Variants in DPP10 observed in about 807,000 individuals in gnomAD.
DPP10 encodes inactive dipeptidyl peptidase 10.
In DPP10, 33 loss-of-function variants were observed where a neutral mutation model predicts 120.9. The ratio of observed to expected loss-of-function variants is 0.27; its 90% CI spans 0.21 to 0.37. The LOEUF is 0.37. DPP10 is among the 10% of genes least tolerant of loss of function. DPP10 has a pLI of 1.00. For synonymous variants in DPP10, 337 were observed against 326.1 expected (o/e 1.03, Z -0.36); for missense variants, 816 against 942.8 (o/e 0.87, Z 1.76).
intron 1 of DPP10, among the ~76,000 whole-genome samples, chr2:114,968,390 T>C (rs761653640): frequency 2.0e-5 from 3 of 152,210 alleles, no homozygotes; most frequent in Non-Finnish European, 4.4e-5. Flanking sequence ...GGCATATCAT[T>C]ATATTATTAA....
chr2:114,661,853 T>C (rs1231320165), intron 1 of DPP10, among the ~76,000 whole-genome samples: 3 of 152,122 alleles, frequency 2.0e-5, no homozygotes, highest in African/African-American at 7.2e-5. Context: ...CATGAAAACG[T>C]CTTCTCCTTA....
At chr2:114,490,156 C>T (rs1301727580) in intron 1 of DPP10, among the ~76,000 whole-genome samples, 1 of 152,182 alleles carries the variant, frequency 6.6e-6, no homozygotes, top group African/African-American at 2.4e-5. Flanking sequence ...TTCTCATTCT[C>T]TGGCTATGTC....
intron 1 of DPP10, among the ~76,000 whole-genome samples, chr2:114,458,776 C>A (rs1207315495): frequency 6.6e-6 from 1 of 152,122 alleles, no homozygotes; most frequent in Non-Finnish European, 1.5e-5. Flanking sequence ...ATTATTATTA[C>A]TACTTTTTTT....
chr2:115,563,875 A>C (rs1208746483), intron 5 of DPP10, among the ~76,000 whole-genome samples: 5 of 152,194 alleles, frequency 3.3e-5, no homozygotes, highest in Non-Finnish European at 7.4e-5. Flanking sequence ...TCAGCTAAGA[A>C]ATTATAGAAT....
intron 1 of DPP10, among the ~76,000 whole-genome samples, chr2:114,993,266 T>A (rs2104940497): frequency 6.6e-6 from 1 of 152,272 alleles, no homozygotes; most frequent in Admixed American, 6.5e-5. Context: ...TTGCGTCTGT[T>A]ATCTTTAATC....
intron 1 of DPP10, among the ~76,000 whole-genome samples, chr2:115,239,556 T>C: frequency 6.6e-6 from 1 of 152,198 alleles, no homozygotes; most frequent in Non-Finnish European, 1.5e-5. Context: ...CCACTTTTTT[T>C]AGATGTAATG....
At chr2:114,791,359 G>C (rs983815060) in intron 1 of DPP10, among the ~76,000 whole-genome samples, 1 of 152,104 alleles carries the variant, frequency 6.6e-6, no homozygotes. Context: ...TAACTTATTT[G>C]CATATTAATA....
chr2:115,005,561 G>T (rs1348323138), intron 1 of DPP10, among the ~76,000 whole-genome samples: 4 of 152,058 alleles, frequency 2.6e-5, no homozygotes, highest in East Asian at 1.9e-4. Flanking sequence ...CGAGAACTAC[G>T]TGAAGAATGC....
chr2:114,891,276 T>C (rs1324125201), intron 1 of DPP10, among the ~76,000 whole-genome samples: 1 of 152,028 alleles, frequency 6.6e-6, no homozygotes, highest in East Asian at 1.9e-4. Context: ...AAGTAGAAAT[T>C]CAAGGGAAAA....
intron 5 of DPP10, among the ~76,000 whole-genome samples, chr2:115,564,745 AGT>A (rs2080895085): frequency 6.6e-6 from 1 of 152,224 alleles, no homozygotes; most frequent in Non-Finnish European, 1.5e-5. Flanking sequence ...AATTTGAAGC[AGT>A]GTTTTCCACA....
intron 3 of DPP10, among the ~76,000 whole-genome samples, chr2:115,353,068 G>T (rs995389166): frequency 1.3e-5 from 2 of 151,984 alleles, no homozygotes; most frequent in Non-Finnish European, 2.9e-5. Context: ...AAAATAATAG[G>T]CCTAAAACAA....
chr2:115,433,591 T>A (rs2071210590), intron 3 of DPP10, among the ~76,000 whole-genome samples: 1 of 151,994 alleles, frequency 6.6e-6, no homozygotes, highest in Admixed American at 6.6e-5. Flanking sequence ...CTAGTTAGAA[T>A]TCACATTCAC....
rs189594990 is a variant in DPP10, at chr2:114,969,523, A to G, written c.61-339716A>G. Among the ~76,000 whole-genome samples, 5 of 152,332 alleles carry G rather than the reference A, an allele frequency of 3.3e-5. No individual in the cohort carries two copies. In the East Asian group the frequency reaches 9.6e-4, roughly 29 times the overall value. ...AAAGGAATGAGTCAAGAATTCTTTT[A>G]CAAAATTATAAACCCCTTGGATTGA... On this transcript the variant is annotated intron_variant, in intron 1 of 25. Transcript: ENST00000410059.
intron 8 of DPP10, 121 bp downstream of exon 8, chr2:115,728,057 C>A: frequency 8.6e-7 from 1 of 1,165,556 alleles, no homozygotes; most frequent in Non-Finnish European, 1.2e-6. Flanking sequence ...CATTTTCTCT[C>A]AAAATTGCCC....
intron 1 of DPP10, chr2:115,050,149 A>G (rs138743371): frequency 3.3e-5 from 5 of 152,308 alleles, no homozygotes; most frequent in African/African-American, 1.2e-4. Flanking sequence ...CTTTTCTAGA[A>G]TTCTGAAAAC....
intron 1 of DPP10, among the ~76,000 whole-genome samples, chr2:114,742,769 A>G (rs1334908256): frequency 6.6e-6 from 1 of 152,198 alleles, no homozygotes. Flanking sequence ...CATGTACATA[A>G]TCATTTTTGA....
chr2:115,195,018 C>T (rs2055162302), intron 1 of DPP10, among the ~76,000 whole-genome samples: 1 of 152,130 alleles, frequency 6.6e-6, no homozygotes, highest in South Asian at 2.1e-4. Flanking sequence ...GGGACAGTGT[C>T]TTTTGCAGAT....
chr2:115,722,479 G>A (rs1446830605), intron 7 of DPP10, among the ~76,000 whole-genome samples: 1 of 151,766 alleles, frequency 6.6e-6, no homozygotes, highest in African/African-American at 2.4e-5. Context: ...TTGTCGTTGT[G>A]CAAACATCAT....
chr2:115,393,490 A>G (rs2067462775), intron 3 of DPP10, among the ~76,000 whole-genome samples: 1 of 152,192 alleles, frequency 6.6e-6, no homozygotes, highest in South Asian at 2.1e-4. Context: ...ACAAACTGGG[A>G]TAGAACCCAT....
Sources: allele counts gnomAD v4.1 joint callset (sites outside exome capture counted in the v4.1 genomes callset), GRCh38; gene constraint gnomAD v4.1.1; transcripts MANE v1.5; gene names NCBI Gene and HGNC (gene_info 2026-07-23, HGNC 2026-07-21).